PHTF2: variants seen among roughly 807,000 people sequenced by gnomAD.
PHTF2 encodes the protein putative homeodomain transcription factor 2.
In PHTF2, 60 loss-of-function variants were observed where a neutral mutation model predicts 101.2. The observed-to-expected ratio is 0.59, with a 90% CI of 0.48 to 0.73. The LOEUF (loss-of-function observed/expected upper bound fraction) is 0.73. Ranked by LOEUF, PHTF2 falls within the 30% of genes least tolerant of loss-of-function variation. The probability of loss-of-function intolerance (pLI) is 0.00; values close to 1 mark genes in which losing one functional copy is unlikely to be tolerated. For synonymous variants in PHTF2, 311 were observed against 307.3 expected, an observed-to-expected ratio of 1.01 and a Z score of -0.13; for missense variants, 747 against 908.7, an observed-to-expected ratio of 0.82 and a Z score of 2.29.
intron 9 of PHTF2, among the ~76,000 whole-genome samples, chr7:77,914,682 C>T (rs1802738035): frequency 6.6e-6 from 1 of 152,100 alleles, no homozygotes; most frequent in Admixed American, 6.5e-5. Context: ...GTTTTGTTGT[C>T]TCTAACATCC....
At chr7:77,825,220 C>G (rs1794613579) in intron 1 of PHTF2, among the ~76,000 whole-genome samples, 2 of 152,000 alleles carry the variant, frequency 1.3e-5, no homozygotes, top group Admixed American at 1.3e-4. Context: ...CCAAATACTT[C>G]AAAAAGTGGA....
At chr7:77,914,358 G>A (rs1045370684) in intron 9 of PHTF2, among the ~76,000 whole-genome samples, 2 of 152,186 alleles carry the variant, frequency 1.3e-5, no homozygotes, top group Non-Finnish European at 2.9e-5. Flanking sequence ...AAGAAGAGTA[G>A]TTCTCAGAAA....
chr7:77,920,329 G>A, exon 10 of PHTF2: 1 of 1,606,834 alleles, frequency 6.2e-7, no homozygotes, highest in Non-Finnish European at 8.5e-7. Context: ...ACTGACAATG[G>A]CTATGTATCC....
chr7:77,862,178 C>T (rs1443842395), intron 3 of PHTF2, among the ~76,000 whole-genome samples: 2 of 152,038 alleles, frequency 1.3e-5, no homozygotes, highest in Non-Finnish European at 2.9e-5. Flanking sequence ...TATAGTTCTC[C>T]TTAGTATAAA....
At chr7:77,901,829 A>G (rs775116048) in exon 7 of PHTF2, 9 of 1,593,344 alleles carry the variant, frequency 5.6e-6, no homozygotes, top group Non-Finnish European at 6.8e-6. Context: ...GAATTGTTCG[A>G]GTTGTATTTT....
intron 2 of PHTF2, among the ~76,000 whole-genome samples, chr7:77,848,636 A>G (rs1310398506): frequency 6.6e-6 from 1 of 152,022 alleles, no homozygotes; most frequent in Non-Finnish European, 1.5e-5. Flanking sequence ...GTAGTTTGCA[A>G]ATATTTTCTA....
Position 77,834,907 on chromosome 7 carries a change from T to C in PHTF2, c.-35-5314T>C, listed in dbSNP as rs1396256838. On this transcript the variant is annotated intron_variant, in intron 1 of 19. Coordinates refer to ENST00000416283, the Ensembl canonical transcript of PHTF2. ...GTGGCCACATACTGCTTTACATTTC[T>C]ATTTAAATTACAGATTTTTGAGCAT... Among the ~76,000 whole-genome samples, 3 of 152,226 alleles carry C rather than the reference T, an allele frequency of 2.0e-5. No individual in the cohort carries two copies. In the South Asian group the frequency reaches 6.2e-4, roughly 31 times the overall value.
chr7:77,933,554 A>C (rs148521972), intron 12 of PHTF2, among the ~76,000 whole-genome samples: 8 of 152,284 alleles, frequency 5.3e-5, no homozygotes, highest in African/African-American at 1.9e-4. Flanking sequence ...GAAGAAATGA[A>C]AAAGTGAACA....
At chr7:77,945,087 C>G (rs989330067) in intron 16 of PHTF2, among the ~76,000 whole-genome samples, 1 of 152,198 alleles carries the variant, frequency 6.6e-6, no homozygotes. Flanking sequence ...CGCCTGTAAT[C>G]CCAGCATTTT....
intron 11 of PHTF2, among the ~76,000 whole-genome samples, chr7:77,928,182 C>T (rs1424769089): frequency 6.9e-6 from 1 of 145,668 alleles, no homozygotes; most frequent in African/African-American, 2.6e-5. Context: ...TCACAGAGGA[C>T]AGCCAAAAAA....
At chr7:77,898,261 A>G in intron 5 of PHTF2, among the ~76,000 whole-genome samples, 1 of 152,188 alleles carries the variant, frequency 6.6e-6, no homozygotes, top group East Asian at 1.9e-4. Context: ...AATTTTAGGT[A>G]TACAGCAATA....
Position 77,937,839 on chromosome 7 carries a change from G to A in PHTF2, c.1467+1G>A. 1 of 1,487,606 alleles carries A rather than the reference G, an allele frequency of 6.7e-7. No homozygotes were observed. The highest frequency in any genetic ancestry group is 9.0e-7 in the Non-Finnish European group (1 of 1,108,092). 92.2% of individuals were successfully genotyped at this position (1,487,606 alleles called of 1,614,324 possible). On this transcript the variant is annotated splice_donor_variant, in intron 13 of 19. Transcript: ENST00000416283. LOFTEE classifies it high-confidence loss of function. ...AATCAGTGGAATGATAATGAACAGA[G>A]TGAGTTTTTAAATTTTATTCTTGTA...
chr7:77,848,969 A>G (rs1262638067), intron 2 of PHTF2, among the ~76,000 whole-genome samples: 1 of 152,138 alleles, frequency 6.6e-6, no homozygotes, highest in Non-Finnish European at 1.5e-5. Flanking sequence ...GACTACTTTC[A>G]CCATTTGTTG....
chr7:77,900,590 G>A lies in PHTF2; in HGVS notation c.217-121G>A, dbSNP rs1297443240. On this transcript the variant is annotated intron_variant, in intron 5 of 19. Transcript: ENST00000416283. ...TCTGTTTGTAACAAATGCATAATGT[G>A]TTACATTTTGTTGGTACTATTAACA... 7.5e-6 allele frequency: 5 copies of A among 669,212 alleles called. No individual in the cohort carries two copies. The East Asian group carries it at 1.1e-4, about 15-fold the overall frequency. The allele number at this position is 669,212 out of a possible 1,614,324, so 41.5% of individuals were successfully genotyped here. A position where few individuals can be genotyped will look rare whatever the true frequency, so the allele number is the denominator to read the frequency against.
intron 13 of PHTF2, among the ~76,000 whole-genome samples, chr7:77,938,749 C>A (rs1446715474): frequency 6.6e-6 from 1 of 152,130 alleles, no homozygotes; most frequent in Non-Finnish European, 1.5e-5. Flanking sequence ...TGCACTCCAG[C>A]CTGGGCGACA....
chr7:77,952,910 T>A (rs1806678224), intron 18 of PHTF2, among the ~76,000 whole-genome samples: 1 of 152,170 alleles, frequency 6.6e-6, no homozygotes, highest in Admixed American at 6.5e-5. Context: ...CTCTTCTCTA[T>A]TAGTACGGCC....
chr7:77,847,043 G>A (rs1473948429), intron 2 of PHTF2, among the ~76,000 whole-genome samples: 1 of 152,168 alleles, frequency 6.6e-6, no homozygotes. Context: ...AGGACTTTAT[G>A]AACCATAAAA....
intron 1 of PHTF2, among the ~76,000 whole-genome samples, chr7:77,814,712 A>G (rs1223856509): frequency 6.6e-6 from 1 of 151,874 alleles, no homozygotes; most frequent in Non-Finnish European, 1.5e-5. Context: ...GGGTATCGCC[A>G]TGTTGGCCAG....
chr7:77,830,279 A>G (rs1378283018), intron 1 of PHTF2, among the ~76,000 whole-genome samples: 1 of 152,114 alleles, frequency 6.6e-6, no homozygotes, highest in Non-Finnish European at 1.5e-5. Flanking sequence ...ATAGTACCAA[A>G]CCTATATTTG....
Sources: allele counts gnomAD v4.1 joint callset (sites outside exome capture counted in the v4.1 genomes callset), GRCh38; gene constraint gnomAD v4.1.1; transcripts MANE v1.5; gene names NCBI Gene and HGNC (gene_info 2026-07-23, HGNC 2026-07-21).